The following ENPP1 variants were observed in gnomAD, a reference collection of about 807,000 sequenced individuals.
ENPP1 encodes the protein ectonucleotide pyrophosphatase/phosphodiesterase 1.
In ENPP1, 73 loss-of-function variants were observed where a neutral mutation model predicts 122.8. That is an observed-to-expected ratio of 0.59 (90% CI 0.49 to 0.72). The LOEUF (loss-of-function observed/expected upper bound fraction) is 0.72. Ranked by LOEUF, ENPP1 falls within the 30% of genes least tolerant of loss-of-function variation. The probability of loss-of-function intolerance (pLI) is 0.00; values close to 1 mark genes in which losing one functional copy is unlikely to be tolerated. For missense variants in ENPP1, 978 were observed against 1,128.1 expected, an observed-to-expected ratio of 0.87 and a Z score of 1.91; for synonymous variants, 367 against 391.6, an observed-to-expected ratio of 0.94 and a Z score of 0.74.
intron 1 of ENPP1, among the ~76,000 whole-genome samples, chr6:131,815,759 G>A (rs1781405364): frequency 6.6e-6 from 1 of 150,692 alleles, no homozygotes; most frequent in Admixed American, 6.6e-5. Flanking sequence ...GAAGTGCAGT[G>A]GAGTGAACTT....
In ENPP1 at chr6:131,852,166, A is replaced by T. The variant is rs983150481; in HGVS notation, c.557-9A>T. 6 of 1,574,044 alleles carry T rather than the reference A, an allele frequency of 3.8e-6. No homozygotes were observed. The East Asian group carries it at 1.3e-4, about 35-fold the overall frequency. ...GTGTGTTCATTTTATTTTCTTGAAA[A>T]TATTTTAGGTGAGAAAAGTTGGGTA... On this transcript the variant is annotated splice_polypyrimidine_tract_variant and intron_variant, in intron 4 of 24. Transcript: ENST00000647893.
chr6:131,884,786 CA>C (rs1306723235), intron 22 of ENPP1, 144 bp from the exon 23 acceptor site: 2 of 982,562 alleles, frequency 2.0e-6, no homozygotes, highest in Non-Finnish European at 3.2e-6. Context: ...AAACAAAAAA[CA>C]AAACAAAACG....
At chr6:131,889,515 A>T (rs982261444) in intron 24 of ENPP1, among the ~76,000 whole-genome samples, 1 of 152,182 alleles carries the variant, frequency 6.6e-6, no homozygotes, top group African/African-American at 2.4e-5. Context: ...TAGTTTGCTA[A>T]GGATAATGGC....
intron 4 of ENPP1, chr6:131,851,468 C>T (rs1283792828): frequency 8.6e-6 from 5 of 580,264 alleles, no homozygotes; most frequent in South Asian, 2.0e-5. Flanking sequence ...ACATTATACC[C>T]ATCACCCAGC....
chr6:131,874,481 A>G, intron 16 of ENPP1, 144 bp downstream of exon 16: 1 of 608,364 alleles, frequency 1.6e-6, no homozygotes. Flanking sequence ...TTCTTTGAAC[A>G]TTAAAGAATT....
chr6:131,834,910 T>C (rs1417920780), intron 1 of ENPP1, among the ~76,000 whole-genome samples: 1 of 152,180 alleles, frequency 6.6e-6, no homozygotes, highest in African/African-American at 2.4e-5. Context: ...TCAGGGGTTA[T>C]TCAAATAAAG....
chr6:131,890,722 C>G lies in ENPP1; in HGVS notation c.*211C>G, dbSNP rs1389268124. 1.7e-6 allele frequency: 1 copy of G among 577,478 alleles called. No homozygotes were observed. The allele number at this position is 577,478 out of a possible 1,614,324, so 35.8% of individuals were successfully genotyped here. On this transcript the variant is annotated 3_prime_UTR_variant, in exon 25 of 25. Coordinates refer to ENST00000647893, the MANE Select transcript of ENPP1 (RefSeq NM_006208.3). ...TCTTGCACATATTTGAATGTGTAAGCATTGTATACATTGATCAAGTTCGGG... is the reference window on the plus strand; with the variant it reads ...TCTTGCACATATTTGAATGTGTAAGGATTGTATACATTGATCAAGTTCGGG...
rs1381761412 is a variant in ENPP1 at position 131,893,977 on chromosome 6, TTTG to T, written c.*3467_*3469del. On this transcript the variant is annotated 3_prime_UTR_variant, in exon 25 of 25. Transcript: ENST00000647893. ...TTTTTTTTTTTTTTTTTTTTTTTTT[TTTG>T]AGATGCTCTGTCACCCAGGCTGGAG... 8.0e-5 allele frequency: 10 copies of T among 124,894 alleles called. No homozygotes were observed. Among genetic ancestry groups the T allele is most frequent in the African/African-American group, 3.3e-4 (9 of 27,342 alleles). The allele number at this position is 124,894 out of a possible 1,614,324, so 7.7% of individuals were successfully genotyped here.
intron 1 of ENPP1, among the ~76,000 whole-genome samples, chr6:131,817,927 G>T (rs1013132760): frequency 6.6e-6 from 1 of 151,932 alleles, no homozygotes; most frequent in African/African-American, 2.4e-5. Context: ...CGTATTTCAG[G>T]ACTTTGCACA....
intron 20 of ENPP1, among the ~76,000 whole-genome samples, chr6:131,881,287 T>C (rs919962689): frequency 2.0e-5 from 3 of 152,176 alleles, no homozygotes; most frequent in Non-Finnish European, 4.4e-5. Flanking sequence ...TTAAAATTTT[T>C]CAATACTGTC....
chr6:131,870,074 G>T (rs1178935641), intron 13 of ENPP1, among the ~76,000 whole-genome samples: 2 of 152,044 alleles, frequency 1.3e-5, no homozygotes, highest in East Asian at 3.8e-4. Context: ...ATGTTGAAGT[G>T]TGTGTTTTAC....
Position 131,875,913 on chromosome 6 carries a change from A to G in ENPP1, c.1723+50A>G, listed in dbSNP as rs371948847. 9.8e-6 allele frequency: 14 copies of G among 1,433,050 alleles called. No individual in the cohort carries two copies. The African/African-American group carries it at 1.8e-4, about 19-fold the overall frequency. 88.8% of individuals were successfully genotyped at this position (1,433,050 alleles called of 1,614,324 possible). On this transcript the variant is annotated intron_variant, in intron 17 of 24. Coordinates refer to ENST00000647893, the MANE Select transcript of ENPP1 (RefSeq NM_006208.3). ...TCCCTTCTGAAAATAGACCTGAAATAGGATTATCAAAAGCAGGTCACATTG... is the reference window on the plus strand; with the variant it reads ...TCCCTTCTGAAAATAGACCTGAAATGGGATTATCAAAAGCAGGTCACATTG...
intron 3 of ENPP1, among the ~76,000 whole-genome samples, chr6:131,850,858 A>G (rs547762114): frequency 6.6e-6 from 1 of 152,388 alleles, no homozygotes; most frequent in Admixed American, 6.5e-5. Context: ...TTTAGCAGGT[A>G]GAAGAAGCCA....
At chr6:131,887,864 CTTT>C (rs576073873) in intron 24 of ENPP1, among the ~76,000 whole-genome samples, 4,251 of 104,510 alleles carry the variant, frequency 0.041, 139 homozygotes, top group African/African-American at 0.11. Context: ...CGTGCCTGGC[CTTT>C]TTTTTTTTTT....
chr6:131,853,409 G>T (rs912633627), intron 5 of ENPP1, among the ~76,000 whole-genome samples: 1 of 152,002 alleles, frequency 6.6e-6, no homozygotes, highest in South Asian at 2.1e-4. Context: ...ATCTTTTAGT[G>T]GAAAACATAA....
Position 131,894,289 on chromosome 6 carries a change from CTTTT to C in ENPP1, c.*3789_*3792del, listed in dbSNP as rs773181835. 4.5e-5 allele frequency: 6 copies of C among 132,750 alleles called. No homozygotes were observed. Among genetic ancestry groups the C allele is most frequent in the East Asian group, 4.5e-4 (2 of 4,476 alleles). The allele number at this position is 132,750 out of a possible 1,614,324, so 8.2% of individuals were successfully genotyped here. A position where few individuals can be genotyped will look rare whatever the true frequency, so the allele number is the denominator to read the frequency against. On this transcript the variant is annotated 3_prime_UTR_variant, in exon 25 of 25. Transcript: ENST00000647893. The stretch of plus-strand genomic sequence containing the variant: ...TCTACTGTCATGCCTCACATCAGTC[CTTTT>C]TTTTTTTTTTGAGACAGAGTCTCGC...
rs959926442 is a variant in ENPP1 at position 131,825,740 on chromosome 6, C to T, written c.240+17465C>T. Among the ~76,000 whole-genome samples the T allele has an allele frequency of 2.0e-4, 30 of 152,150 alleles. 1 individual carries two copies. The highest frequency in any genetic ancestry group is 7.0e-4 in the African/African-American group (29 of 41,518). On this transcript the variant is annotated intron_variant, in intron 1 of 24. Transcript: ENST00000647893. ...TCTTATAAATATTATTTTAAGATTC[C>T]TTATCCAAATGATTATTGAATATGA...
chr6:131,878,647 A>G (rs1016445755), intron 19 of ENPP1, 54 bp downstream of exon 19: 42 of 1,331,104 alleles, frequency 3.2e-5, no homozygotes, highest in Non-Finnish European at 3.2e-6. Flanking sequence ...TTTTCTCATC[A>G]GTGTGAAATG....
Position 131,886,584 on chromosome 6 carries a change from C to G in ENPP1, c.2467C>G (p.Gln823Glu). 1.9e-6 allele frequency: 3 copies of G among 1,613,372 alleles called. No homozygotes were observed. Among genetic ancestry groups the G allele is most frequent in the Non-Finnish European group, 2.5e-6 (3 of 1,179,406 alleles). ...LRQKRRVIRN[Q>E]EILIPTHFFI... ...CAGAAAAAGAAGAGTCATCCGTAACCAAGAAATTTTGATTCCAACTCACTT... is the reference window on the plus strand; with the variant it reads ...CAGAAAAAGAAGAGTCATCCGTAACGAAGAAATTTTGATTCCAACTCACTT... Residue 823 changes from glutamine (Q) to glutamate (E), a missense_variant, in exon 24 of 25, where the codon CAA becomes GAA. By Grantham distance (29) the Gln-to-Glu change is conservative. Coordinates refer to ENST00000647893, the MANE Select transcript of ENPP1 (RefSeq NM_006208.3).
Sources: gnomAD v4.1 joint callset for allele counts (sites outside exome capture counted in the v4.1 genomes callset) on GRCh38, gnomAD v4.1.1 for gene constraint, MANE v1.5 for transcripts, NCBI Gene and HGNC (gene_info 2026-07-23, HGNC 2026-07-21) for gene names.